The following CDHR3 variants were observed in gnomAD, a reference collection of about 807,000 sequenced individuals.
CDHR3 encodes the protein cadherin related family member 3, also known as cadherin-related family member 3.
CDHR3 carries 79 observed loss-of-function variants against 86.6 expected under a neutral mutation model. The observed-to-expected ratio is 0.91, with a 90% CI of 0.76 to 1.10. The LOEUF is 1.10. CDHR3 is among the 50% of genes least tolerant of loss of function. CDHR3 has a pLI of 0.00. For missense variants in CDHR3, 1,081 were observed against 1,077.6 expected, an observed-to-expected ratio of 1.00 and a Z score of -0.04; for synonymous variants, 421 against 402.4, an observed-to-expected ratio of 1.05 and a Z score of -0.55.
In CDHR3 at chr7:105,994,737, C is replaced by A. The variant is rs748982137; in HGVS notation, c.514-14C>A. The A allele has an allele frequency of 2.5e-6, 4 of 1,589,478 alleles. No homozygotes were observed. In the Admixed American group the frequency reaches 6.8e-5, roughly 27 times the overall value. On this transcript the variant is annotated splice_polypyrimidine_tract_variant and intron_variant, in intron 4 of 18. Transcript: ENST00000317716. Reference sequence around the variant, plus strand: ...GTGGGCTGATTTCATCAATTTTTTTCCCTTGTTTTTTAGTATTTCCTGATT... The same window carrying A: ...GTGGGCTGATTTCATCAATTTTTTTACCTTGTTTTTTAGTATTTCCTGATT...
At chr7:106,004,392 A>G in intron 7 of CDHR3, 106 bp from the exon 8 acceptor site, 3 of 844,794 alleles carry the variant, frequency 3.6e-6, no homozygotes, top group South Asian at 3.5e-5. Context: ...TATGCTCTGC[A>G]TAAGCTCTTC....
chr7:105,988,226 G>C (rs1377024339), intron 4 of CDHR3, among the ~76,000 whole-genome samples: 1 of 152,216 alleles, frequency 6.6e-6, no homozygotes, highest in Admixed American at 6.5e-5. Context: ...GGCTTTAGAA[G>C]TGTGTTCAGG....
chr7:106,028,944 CTTT>C (rs1837863518), intron 17 of CDHR3, among the ~76,000 whole-genome samples: 1 of 140,852 alleles, frequency 7.1e-6, no homozygotes, highest in African/African-American at 2.7e-5. Context: ...TTCTTTCTTT[CTTT>C]CTTTCTTTCT....
At chr7:105,990,992 G>A (rs1317614289) in intron 4 of CDHR3, among the ~76,000 whole-genome samples, 2 of 152,168 alleles carry the variant, frequency 1.3e-5, no homozygotes, top group East Asian at 1.9e-4. Context: ...GCAAAGGGGC[G>A]GCAAATAGAG....
intron 15 of CDHR3, among the ~76,000 whole-genome samples, chr7:106,026,078 TAAAA>T (rs1563307241): frequency 6.6e-6 from 1 of 152,176 alleles, no homozygotes; most frequent in Non-Finnish European, 1.5e-5. Flanking sequence ...ATGGTTGACT[TAAAA>T]AAGAAAAACT....
chr7:105,982,565 C>A (rs1462694845), intron 3 of CDHR3, among the ~76,000 whole-genome samples: 1 of 152,062 alleles, frequency 6.6e-6, no homozygotes, highest in East Asian at 1.9e-4. Context: ...CCCTTCTCCC[C>A]CTCAGTCCCT....
chr7:105,974,797 C>T, intron 1 of CDHR3, 47 bp from the exon 2 acceptor site: 1 of 1,516,786 alleles, frequency 6.6e-7, no homozygotes, highest in Non-Finnish European at 9.1e-7. Context: ...CTGTTCCCAG[C>T]AAAAGGCTTT....
At chr7:105,982,376 G>A (rs1363800406) in intron 3 of CDHR3, among the ~76,000 whole-genome samples, 1 of 150,862 alleles carries the variant, frequency 6.6e-6, no homozygotes, top group African/African-American at 2.4e-5. Flanking sequence ...GGCTGAGGCA[G>A]GAGAATGGCA....
At chr7:105,981,633 G>A (rs1274068220) in intron 3 of CDHR3, among the ~76,000 whole-genome samples, 1 of 152,174 alleles carries the variant, frequency 6.6e-6, no homozygotes, top group Non-Finnish European at 1.5e-5. Context: ...CAACTTTCAA[G>A]TCTGTCATTT....
chr7:106,002,079 T>C (rs1470787548), intron 7 of CDHR3, among the ~76,000 whole-genome samples: 1 of 152,108 alleles, frequency 6.6e-6, no homozygotes, highest in Non-Finnish European at 1.5e-5. Flanking sequence ...GTAATAGATG[T>C]ATTATAAGCA....
intron 9 of CDHR3, 42 bp from the exon 10 acceptor site, chr7:106,015,069 A>G (rs573484248): frequency 2.0e-6 from 3 of 1,476,092 alleles, no homozygotes; most frequent in African/African-American, 1.4e-5. Flanking sequence ...AATAAATAGG[A>G]TTGTTTAATC....
intron 1 of CDHR3, among the ~76,000 whole-genome samples, chr7:105,968,959 G>A (rs943756391): frequency 3.3e-5 from 5 of 151,436 alleles, no homozygotes; most frequent in African/African-American, 9.7e-5. Flanking sequence ...GTGGTGGCGG[G>A]CACCTGTAGT....
chr7:105,995,770 C>A (rs548385122), intron 5 of CDHR3, among the ~76,000 whole-genome samples: 1 of 152,032 alleles, frequency 6.6e-6, no homozygotes, highest in African/African-American at 2.4e-5. Flanking sequence ...TTCTCAGACC[C>A]CATCTTGTTT....
At chr7:105,994,925 C>T in intron 5 of CDHR3, 80 bp downstream of exon 5, 1 of 1,156,726 alleles carries the variant, frequency 8.6e-7, no homozygotes, top group Non-Finnish European at 1.3e-6. Flanking sequence ...CACAGTGCAA[C>T]CTGAGGGCAG....
chr7:105,997,980 C>T (rs1287512393), intron 6 of CDHR3, among the ~76,000 whole-genome samples: 8 of 151,876 alleles, frequency 5.3e-5, no homozygotes, highest in Non-Finnish European at 1.0e-4. Context: ...TTTCAAACAG[C>T]ATTCCTTGGA....
intron 16 of CDHR3, among the ~76,000 whole-genome samples, chr7:106,027,985 G>T (rs1313001291): frequency 6.6e-6 from 1 of 151,990 alleles, no homozygotes; most frequent in East Asian, 1.9e-4. Context: ...AAATTAGCTG[G>T]GTGTGGTAGT....
At chr7:106,001,684 C>T (rs1833203799) in intron 7 of CDHR3, 74 bp downstream of exon 7, 2 of 1,567,952 alleles carry the variant, frequency 1.3e-6, no homozygotes, top group Non-Finnish European at 1.7e-6. Context: ...TGTAGTTGTC[C>T]CTCGTTACCC....
At chr7:105,963,489 C>A in intron 1 of CDHR3, 125 bp downstream of exon 1, 1 of 996,858 alleles carries the variant, frequency 1.0e-6, no homozygotes, top group Non-Finnish European at 1.6e-6. Context: ...GGCTTAGCTG[C>A]AGTAATGAAT....
intron 2 of CDHR3, among the ~76,000 whole-genome samples, chr7:105,979,955 A>T (rs1274455207): frequency 6.6e-6 from 1 of 152,124 alleles, no homozygotes; most frequent in Non-Finnish European, 1.5e-5. Context: ...GACCCTCCCA[A>T]CACAGACCGC....
Sources: allele counts gnomAD v4.1 joint callset (sites outside exome capture counted in the v4.1 genomes callset), GRCh38; gene constraint gnomAD v4.1.1; transcripts MANE v1.5; gene names NCBI Gene and HGNC (gene_info 2026-07-23, HGNC 2026-07-21).